The following MGMT variants were observed in gnomAD, a reference collection of about 807,000 sequenced individuals.
The protein encoded by MGMT is O-6-methylguanine-DNA methyltransferase.
Under a neutral mutation model 15.9 loss-of-function variants are expected in MGMT, and 14 were observed. The observed-to-expected ratio is 0.88, with a 90% confidence interval of 0.58 to 1.37. MGMT has a LOEUF of 1.37. Among genes scored for constraint, MGMT ranks in the 40% most tolerant of loss-of-function variants. The probability of loss-of-function intolerance (pLI) is 0.00; values close to 1 mark genes in which losing one functional copy is unlikely to be tolerated. For synonymous variants in MGMT, 130 were observed against 118.2 expected, an observed-to-expected ratio of 1.10 and a Z score of -0.65; for missense variants, 282 against 268.1, an observed-to-expected ratio of 1.05 and a Z score of -0.36.
rs1845550638 is a variant in MGMT at position 129,499,058 on chromosome 10, A to G, written c.-13+31762A>G. On this transcript the variant is annotated intron_variant, in intron 1 of 4. Coordinates refer to ENST00000651593, the MANE Select transcript of MGMT (RefSeq NM_002412.5). ...TGTAGCTGCCTTCTCCAACATTGAG[A>G]AACCTGGCCCTCTTTATCTGCAACA... 2.0e-5 allele frequency among the ~76,000 whole-genome samples: 3 copies of G among 152,232 alleles called. No individual in the cohort carries two copies. The East Asian group carries it at 5.8e-4, about 29-fold the overall frequency.
At chr10:129,541,197 A>G (rs1589857522) in intron 2 of MGMT, among the ~76,000 whole-genome samples, 1 of 152,248 alleles carries the variant, frequency 6.6e-6, no homozygotes, top group East Asian at 1.9e-4. Context: ...ACTTCCTTGC[A>G]TAGTTACCTT....
rs201666538 is a variant in MGMT at position 129,732,726 on chromosome 10, G to T, written c.274+24683G>T. Among the ~76,000 whole-genome samples the T allele has an allele frequency of 1.6e-4, 18 of 115,892 alleles. No homozygotes were observed. In the East Asian group the frequency reaches 5.0e-3, roughly 32 times the overall value. 76.0% of individuals were successfully genotyped at this position (115,892 alleles called of 152,430 possible). On this transcript the variant is annotated intron_variant, in intron 3 of 4. Transcript: ENST00000651593. ...TCCCCCGTCCCCCCACCCCACAACA[G>T]TCCCCAGAATGTGATGTTCGCCTTC...
chr10:129,615,112 A>G (rs936441879), intron 2 of MGMT, among the ~76,000 whole-genome samples: 2 of 152,162 alleles, frequency 1.3e-5, no homozygotes, highest in Admixed American at 6.5e-5. Flanking sequence ...CTCTCAGCAT[A>G]AGCTACATTT....
At position 129,612,995 on chromosome 10, in the gene MGMT, C is replaced by T. The variant is rs1052631566; in HGVS notation, c.125+76618C>T. Reference sequence around the variant, plus strand: ...AATCAGTTACTCACCATGTTATAGCCGAGTTCAGACCCACTACACAGACCT... The same window carrying T: ...AATCAGTTACTCACCATGTTATAGCTGAGTTCAGACCCACTACACAGACCT... On this transcript the variant is annotated intron_variant, in intron 2 of 4. Coordinates refer to ENST00000651593, the MANE Select transcript of MGMT (RefSeq NM_002412.5). Among the ~76,000 whole-genome samples the T allele has an allele frequency of 6.8e-4, 104 of 152,172 alleles. 1 individual carries two copies. Among genetic ancestry groups the T allele is most frequent in the East Asian group, 3.3e-3 (17 of 5,154 alleles).
chr10:129,656,067 A>C (rs531474619), intron 2 of MGMT, among the ~76,000 whole-genome samples: 26 of 152,350 alleles, frequency 1.7e-4, no homozygotes, highest in Non-Finnish European at 2.6e-4. Flanking sequence ...AACCAGACAC[A>C]TCACAGATGC....
intron 1 of MGMT, among the ~76,000 whole-genome samples, chr10:129,525,206 G>A (rs1845856269): frequency 6.6e-6 from 1 of 152,158 alleles, no homozygotes; most frequent in Non-Finnish European, 1.5e-5. Context: ...CAGTGCATGA[G>A]CTTCAGAACA....
At chr10:129,697,611 G>A (rs1474702928) in intron 2 of MGMT, among the ~76,000 whole-genome samples, 5 of 152,256 alleles carry the variant, frequency 3.3e-5, no homozygotes, top group Non-Finnish European at 4.4e-5. Flanking sequence ...TAGCAGCTGT[G>A]CAGTGTTGTG....
chr10:129,755,860 C>T (rs891876820), intron 3 of MGMT, among the ~76,000 whole-genome samples: 1 of 152,178 alleles, frequency 6.6e-6, no homozygotes, highest in Non-Finnish European at 1.5e-5. Context: ...AGTCTGAGCA[C>T]AGCGGTGGCA....
chr10:129,577,892 C>T (rs938308104), intron 2 of MGMT, among the ~76,000 whole-genome samples: 1 of 152,172 alleles, frequency 6.6e-6, no homozygotes, highest in Admixed American at 6.5e-5. Flanking sequence ...AGACACTTCT[C>T]AAAAGAAGAC....
At chr10:129,682,707 G>T (rs1170248430) in intron 2 of MGMT, among the ~76,000 whole-genome samples, 2 of 152,194 alleles carry the variant, frequency 1.3e-5, no homozygotes, top group African/African-American at 4.8e-5. Context: ...TTGTATCAAT[G>T]CCAGCTTCCT....
chr10:129,731,594 C>A (rs1229597438), intron 3 of MGMT, among the ~76,000 whole-genome samples: 2 of 152,148 alleles, frequency 1.3e-5, no homozygotes, highest in Middle Eastern at 3.4e-3. Flanking sequence ...TGCGGTTTCA[C>A]CATTTTGGCC....
At chr10:129,553,091 A>G (rs1414747920) in intron 2 of MGMT, among the ~76,000 whole-genome samples, 3 of 152,212 alleles carry the variant, frequency 2.0e-5, no homozygotes, top group Non-Finnish European at 4.4e-5. Flanking sequence ...TTCCCACCGC[A>G]TGGAGTTTAA....
intron 2 of MGMT, among the ~76,000 whole-genome samples, chr10:129,684,030 C>T (rs1189699865): frequency 1.3e-5 from 2 of 152,220 alleles, no homozygotes; most frequent in African/African-American, 4.8e-5. Context: ...TTACAGATGC[C>T]TCGGCAGAGG....
At chr10:129,707,640 A>T (rs1848180187) in intron 2 of MGMT, among the ~76,000 whole-genome samples, 1 of 152,148 alleles carries the variant, frequency 6.6e-6, no homozygotes, top group Admixed American at 6.5e-5. Flanking sequence ...GGACACTGTC[A>T]CTTGGGTTGC....
chr10:129,481,339 T>G (rs1443223544), intron 1 of MGMT, among the ~76,000 whole-genome samples: 2 of 152,230 alleles, frequency 1.3e-5, no homozygotes, highest in Admixed American at 6.5e-5. Context: ...ATTACTGTTT[T>G]CATAGATTGC....
At chr10:129,542,533 A>G (rs1297651371) in intron 2 of MGMT, among the ~76,000 whole-genome samples, 2 of 152,194 alleles carry the variant, frequency 1.3e-5, no homozygotes, top group African/African-American at 4.8e-5. Flanking sequence ...TAACATCCAA[A>G]AAAACGCGCT....
Position 129,766,836 on chromosome 10 carries a change from G to A in MGMT, c.463G>A (p.Val155Met), listed in dbSNP as rs753896761. ...CAGAGTGGTCTGCAGCAGCGGAGCC[G>A]TGGGCAACTACTCCGGAGGACTGGC... is the stretch of plus-strand genomic sequence containing the variant. ...CHRVVCSSGA[V>M]GNYSGGLAVK... is the part of the protein sequence containing the mutation. Residue 155 changes from valine (V) to methionine (M), a missense_variant, in exon 5 of 5, where the codon GTG becomes ATG. Transcript: ENST00000651593. 1.4e-5 allele frequency: 22 copies of A among 1,613,518 alleles called. No individual in the cohort carries two copies. The highest frequency in any genetic ancestry group is 2.7e-5 in the African/African-American group (2 of 74,948).
chr10:129,666,249 C>G (rs1366686126), intron 2 of MGMT, among the ~76,000 whole-genome samples: 2 of 152,118 alleles, frequency 1.3e-5, no homozygotes, highest in Non-Finnish European at 1.5e-5. Context: ...ATATCTTTTT[C>G]CATGCTTTTA....
At chr10:129,645,603 G>T (rs1208869911) in intron 2 of MGMT, among the ~76,000 whole-genome samples, 1 of 152,172 alleles carries the variant, frequency 6.6e-6, no homozygotes, top group Non-Finnish European at 1.5e-5. Flanking sequence ...GAGATGCTCT[G>T]CCTTGAGGCA....
Sources: gnomAD v4.1 joint callset for allele counts (sites outside exome capture counted in the v4.1 genomes callset) on GRCh38, gnomAD v4.1.1 for gene constraint, MANE v1.5 for transcripts, NCBI Gene and HGNC (gene_info 2026-07-23, HGNC 2026-07-21) for gene names.